Variants in CPT1A observed in about 807,000 individuals in gnomAD.
CPT1A encodes carnitine palmitoyltransferase 1A.
In CPT1A, 64 loss-of-function variants were observed where a neutral mutation model predicts 100.8. The ratio of observed to expected loss-of-function variants is 0.63; its 90% CI spans 0.52 to 0.78. CPT1A has a LOEUF of 0.78. Among genes scored for constraint, CPT1A ranks in the 30% least tolerant of loss-of-function variants. The probability of loss-of-function intolerance (pLI) is 0.00; values close to 1 mark genes in which losing one functional copy is unlikely to be tolerated. For missense variants in CPT1A, 802 were observed against 1,034.1 expected (o/e 0.78, Z 3.08); for synonymous variants, 363 against 396.0 (o/e 0.92, Z 0.99).
At chr11:68,801,168 C>A (rs1047008283) in intron 5 of CPT1A, among the ~76,000 whole-genome samples, 1 of 152,068 alleles carries the variant, frequency 6.6e-6, no homozygotes, top group African/African-American at 2.4e-5. Flanking sequence ...AAGTAAAATG[C>A]CCGTGAATGA....
At position 68,799,206 on chromosome 11, in the gene CPT1A, A is replaced by G. The variant is rs1566366763; in HGVS notation, c.693+12T>C. ...AAAATTTCATCAAGAAAAACTGTGT[A>G]TACAGACTTACGTAATTTGTAGCCC... On this transcript the variant is annotated intron_variant, in intron 6 of 18. Transcript: ENST00000265641. 6.2e-7 allele frequency: 1 copy of G among 1,612,132 alleles called. No individual in the cohort carries two copies. The highest frequency in any genetic ancestry group is 2.2e-5 in the East Asian group (1 of 44,864).
intron 18 of CPT1A, among the ~76,000 whole-genome samples, chr11:68,758,348 G>T (rs1287742493): frequency 6.6e-6 from 1 of 152,208 alleles, no homozygotes; most frequent in Non-Finnish European, 1.5e-5. Context: ...AGCGACAGTG[G>T]CATGGGTTGC....
Position 68,799,208 on chromosome 11 carries a change from A to G in CPT1A, c.693+10T>C, listed in dbSNP as rs1855836791. 6.2e-7 allele frequency: 1 copy of G among 1,612,580 alleles called. No homozygotes were observed. Among genetic ancestry groups the G allele is most frequent in the Non-Finnish European group, 8.5e-7 (1 of 1,178,746 alleles). On this transcript the variant is annotated intron_variant, in intron 6 of 18. Transcript: ENST00000265641. ...AATTTCATCAAGAAAAACTGTGTAT[A>G]CAGACTTACGTAATTTGTAGCCCAC...
Position 68,757,250 on chromosome 11 carries a change from G to T in CPT1A, c.*394C>A. 9.6e-7 allele frequency: 1 copy of T among 1,038,764 alleles called. No homozygotes were observed. Among genetic ancestry groups the T allele is most frequent in the Non-Finnish European group, 1.2e-6 (1 of 847,388 alleles). The allele number at this position is 1,038,764 out of a possible 1,614,324, so 64.3% of individuals were successfully genotyped here. A position where few individuals can be genotyped will look rare whatever the true frequency, so the allele number is the denominator to read the frequency against. On this transcript the variant is annotated 3_prime_UTR_variant, in exon 19 of 19. Transcript: ENST00000265641. ...AACAAAACAAAAGTTTACCCTGCTT[G>T]GATGATGCTAAATGCCCTTAAGCAC...
chr11:68,818,028 A>G (rs928329136), intron 1 of CPT1A, among the ~76,000 whole-genome samples: 1 of 152,026 alleles, frequency 6.6e-6, no homozygotes, highest in Middle Eastern at 3.4e-3. Flanking sequence ...AGAAAGGGGA[A>G]CCTGCCACTG....
At chr11:68,762,840 G>C in intron 14 of CPT1A, 79 bp from the exon 15 acceptor site, 10 of 1,582,304 alleles carry the variant, frequency 6.3e-6, no homozygotes, top group Non-Finnish European at 8.7e-6. Context: ...GGGTAAGATT[G>C]GCAAGGAGAC....
Position 68,780,716 on chromosome 11 carries a change from A to T in CPT1A, c.1382T>A (p.Val461Asp). The change falls in exon 12 of 19, where the codon GTC becomes GAC. Residue 461 changes from valine (V) to aspartate (D), a missense_variant. Val to Asp is a radical substitution (Grantham distance 152). Coordinates refer to ENST00000265641, the MANE Select transcript of CPT1A (RefSeq NM_001876.4). ...GAGGCCCATCTTCCCGTTTTTGAAG[A>T]CAACAAACGTGAACGACTTGTCAAA... ...RWFDKSFTFV[V>D]FKNGKMGLNA... 6.2e-7 allele frequency: 1 copy of T among 1,614,254 alleles called. No individual in the cohort carries two copies. The highest frequency in any genetic ancestry group is 8.5e-7 in the Non-Finnish European group (1 of 1,180,042).
chr11:68,839,500 T>TG, intron 1 of CPT1A: 22 of 985,274 alleles, frequency 2.2e-5, no homozygotes, highest in Non-Finnish European at 2.7e-5. Context: ...CGGAGCGAGT[T>TG]GGCGCGCGTC....
chr11:68,817,783 A>G (rs376494083), intron 1 of CPT1A, among the ~76,000 whole-genome samples: 1 of 144,452 alleles, frequency 6.9e-6, no homozygotes, highest in African/African-American at 2.7e-5. Flanking sequence ...AGCTAAGGTC[A>G]AGAGCAGGCC....
chr11:68,757,364 C>A lies in CPT1A; in HGVS notation c.*280G>T. 1 of 1,312,440 alleles carries A rather than the reference C, an allele frequency of 7.6e-7. No individual in the cohort carries two copies. Among genetic ancestry groups the A allele is most frequent in the Non-Finnish European group, 9.8e-7 (1 of 1,024,960 alleles). The allele number at this position is 1,312,440 out of a possible 1,614,324, so 81.3% of individuals were successfully genotyped here. On this transcript the variant is annotated 3_prime_UTR_variant, in exon 19 of 19. Coordinates refer to ENST00000265641, the MANE Select transcript of CPT1A (RefSeq NM_001876.4). ...CCTACTAATTCCTTCATTAACTCAACAAGATTTGCATCCCTTAATAAATCC... is the reference window on the plus strand; with the variant it reads ...CCTACTAATTCCTTCATTAACTCAAAAAGATTTGCATCCCTTAATAAATCC...
intron 1 of CPT1A, among the ~76,000 whole-genome samples, chr11:68,834,216 C>T (rs1176562336): frequency 6.6e-6 from 1 of 152,152 alleles, no homozygotes; most frequent in Non-Finnish European, 1.5e-5. Flanking sequence ...GCGTGTGGAT[C>T]ACCTGAGGTC....
At chr11:68,843,713 A>G (rs1443074611), upstream of CPT1A, among the ~76,000 whole-genome samples, 1 of 152,238 alleles carries the variant, frequency 6.6e-6, no homozygotes, top group Non-Finnish European at 1.5e-5. This position sits in a 1 kb window ranked among gnomAD's most constrained non-coding sequence, Gnocchi z 4.0. Flanking sequence ...CTGGACCACC[A>G]GTGAGCCCAG....
intron 1 of CPT1A, among the ~76,000 whole-genome samples, chr11:68,824,179 C>T (rs564686495): frequency 2.1e-5 from 3 of 143,256 alleles, no homozygotes; most frequent in East Asian, 2.1e-4. Flanking sequence ...ACCTGGGAGG[C>T]GGAGGTTGCA....
At chr11:68,757,811 C>A in intron 18 of CPT1A, 81 bp from the exon 19 acceptor site, 1 of 1,161,434 alleles carries the variant, frequency 8.6e-7, no homozygotes, top group Non-Finnish European at 1.3e-6. Context: ...TGCAATCTGA[C>A]CCAATGTTTC....
chr11:68,796,747 C>T, intron 7 of CPT1A, 109 bp downstream of exon 7: 1 of 1,049,708 alleles, frequency 9.5e-7, no homozygotes, highest in Non-Finnish European at 1.4e-6. Flanking sequence ...ATGAGCCAAT[C>T]CCCAGAGTTT....
chr11:68,762,554 G>C, intron 15 of CPT1A, 73 bp downstream of exon 15: 1 of 1,583,424 alleles, frequency 6.3e-7, no homozygotes, highest in African/African-American at 1.3e-5. Context: ...AGAGAAGCTG[G>C]AGTGATGGCC....
Position 68,784,896 on chromosome 11 carries a change from T to G in CPT1A, c.1082A>C (p.Gln361Pro). The G allele has an allele frequency of 6.2e-7, 1 of 1,614,110 alleles. No homozygotes were observed. The highest frequency in any genetic ancestry group is 8.5e-7 in the Non-Finnish European group (1 of 1,180,038). ...GRLLKPREMEQQMQRILDNTS... is the reference protein window; with the variant it reads ...GRLLKPREMEPQMQRILDNTS... ...ATTGTCCAGGATCCTCTGCATCTGCTGCTCCATCTCCCGGGGCTTCAGCAG... is the reference window on the plus strand; with the variant it reads ...ATTGTCCAGGATCCTCTGCATCTGCGGCTCCATCTCCCGGGGCTTCAGCAG... The change falls in exon 10 of 19, where the codon CAG (glutamine) becomes CCG (proline). Residue 361 changes from glutamine to proline, a missense_variant. By Grantham distance (76) the Gln-to-Pro change is moderately conservative (BLOSUM62 -1). Transcript: ENST00000265641.
chr11:68,840,164 T>C (rs569928624), intron 1 of CPT1A, among the ~76,000 whole-genome samples: 8 of 152,316 alleles, frequency 5.3e-5, no homozygotes, highest in African/African-American at 1.9e-4. Flanking sequence ...CGAATGCTGA[T>C]AGTCCCCAGA....
At chr11:68,838,572 T>TTTAAAAAAAAAA in intron 1 of CPT1A, among the ~76,000 whole-genome samples, 1 of 95,514 alleles carries the variant, frequency 1.0e-5, no homozygotes, top group African/African-American at 5.1e-5. Context: ...TGCACCTTTT[T>TTTAAAAAAAAAA]AAAAAAAAAA....
Sources: gnomAD v4.1 joint callset for allele counts (sites outside exome capture counted in the v4.1 genomes callset) on GRCh38, gnomAD v4.1.1 for gene constraint, Gnocchi (gnomAD v3.1) non-coding constraint, MANE v1.5 for transcripts, NCBI Gene and HGNC (gene_info 2026-07-23, HGNC 2026-07-21) for gene names.